The following RSF1 variants were observed in gnomAD, a reference collection of about 807,000 sequenced individuals.
RSF1 encodes the protein HBV pX-associated protein 8.
RSF1 carries 13 observed loss-of-function variants against 145.2 expected under a neutral mutation model. That is an observed-to-expected ratio of 0.09 (90% CI 0.06 to 0.14). The LOEUF (loss-of-function observed/expected upper bound fraction) is 0.14. Among genes scored for constraint, RSF1 ranks in the 10% least tolerant of loss-of-function variants. RSF1 has a pLI of 1.00. For missense variants in RSF1, 1,517 were observed against 1,718.2 expected, an observed-to-expected ratio of 0.88 and a Z score of 2.07; for synonymous variants, 577 against 592.6, an observed-to-expected ratio of 0.97 and a Z score of 0.38.
chr11:77,772,016 C>T (rs1162532803), intron 1 of RSF1, among the ~76,000 whole-genome samples: 10 of 152,158 alleles, frequency 6.6e-5, no homozygotes, highest in African/African-American at 1.9e-4. Flanking sequence ...GAAGTGACTG[C>T]TTTATGTGTC....
upstream of RSF1, among the ~76,000 whole-genome samples, chr11:77,823,690 A>G (rs1175340542): frequency 6.6e-6 from 1 of 152,042 alleles, no homozygotes; most frequent in Non-Finnish European, 1.5e-5. Context: ...TTGTGGAAAC[A>G]TACAAAGACT....
chr11:77,864,737 G>T, the RSF1 span, among the ~76,000 whole-genome samples: 3 of 152,162 alleles, frequency 2.0e-5, no homozygotes, highest in Non-Finnish European at 4.4e-5. Context: ...TCAACACGTT[G>T]GGAGACCAAG....
intron 2 of RSF1, chr11:77,764,015 C>T (rs1948201597): frequency 6.6e-6 from 1 of 152,198 alleles, no homozygotes; most frequent in Non-Finnish European, 1.5e-5. Flanking sequence ...AGTGACGGAT[C>T]ATCAGTCAGT....
chr11:77,831,076 TC>T, the RSF1 span, among the ~76,000 whole-genome samples: 1 of 151,426 alleles, frequency 6.6e-6, no homozygotes, highest in Admixed American at 6.6e-5. Flanking sequence ...GGAGAATTCG[TC>T]GAGGCTTCAG....
chr11:77,815,428 C>A (rs12417115), intron 1 of RSF1, among the ~76,000 whole-genome samples: 35,648 of 151,938 alleles, frequency 0.23, 4,417 homozygotes, highest in East Asian at 0.4. Flanking sequence ...AAGACTATAC[C>A]CATCAGGTAG....
intron 6 of RSF1, among the ~76,000 whole-genome samples, chr11:77,699,046 G>A (rs898639459): frequency 1.3e-4 from 20 of 151,690 alleles, no homozygotes; most frequent in Admixed American, 8.5e-4. Context: ...TTTCACTTTC[G>A]TCAACAATGT....
chr11:77,709,977 A>C (rs893903673), intron 5 of RSF1, among the ~76,000 whole-genome samples: 21 of 152,232 alleles, frequency 1.4e-4, no homozygotes, highest in African/African-American at 5.1e-4. Context: ...CAAAGGTATC[A>C]AGAATTTTTT....
At position 77,662,624 on chromosome 11, in the gene RSF1, A is replaced by G. The variant is rs1341593558; in HGVS notation, c.*4293T>C. On this transcript the variant is annotated 3_prime_UTR_variant, in exon 16 of 16. Coordinates refer to ENST00000308488, the MANE Select transcript of RSF1 (RefSeq NM_016578.4). ...AACTCAGTTTAAATACATTGATAGC[A>G]AAAGGCTTTGACCTTAAGGATTGGT... is the stretch of plus-strand genomic sequence containing the variant. 1.3e-5 allele frequency: 2 copies of G among 152,196 alleles called. No homozygotes were observed. Among genetic ancestry groups the G allele is most frequent in the African/African-American group, 4.8e-5 (2 of 41,470 alleles). 9.4% of individuals were successfully genotyped at this position (152,196 alleles called of 1,614,324 possible). A position where few individuals can be genotyped will look rare whatever the true frequency, so the allele number is the denominator to read the frequency against.
chr11:77,779,285 G>GCAGC (rs1244773509), intron 1 of RSF1, among the ~76,000 whole-genome samples: 1 of 152,088 alleles, frequency 6.6e-6, no homozygotes, highest in East Asian at 1.9e-4. Context: ...ATAGCTCACT[G>GCAGC]CAGCCTTCAA....
chr11:77,805,874 C>T (rs1387707396), intron 1 of RSF1, among the ~76,000 whole-genome samples: 1 of 152,174 alleles, frequency 6.6e-6, no homozygotes, highest in Non-Finnish European at 1.5e-5. Flanking sequence ...TTTCCCTCCT[C>T]AGTAAATGGA....
chr11:77,693,866 C>A (rs557831486), intron 7 of RSF1, among the ~76,000 whole-genome samples: 2 of 152,070 alleles, frequency 1.3e-5, no homozygotes, highest in African/African-American at 2.4e-5. Flanking sequence ...TTCACTGCAA[C>A]CTCCGTCTCC....
At position 77,725,610 on chromosome 11, in the gene RSF1, G is replaced by T. The variant is rs747377572; in HGVS notation, c.668C>A (p.Ser223Tyr). 1.9e-6 allele frequency: 3 copies of T among 1,611,214 alleles called. No individual in the cohort carries two copies. The South Asian group carries it at 3.3e-5, about 18-fold the overall frequency. ...LLKNSSQQDN[S>Y]SRESPSLEDE... ...CTCTAAGCTGGGACTTTCCCGAGAA[G>T]AGTTGTCTTGTTGGCTAGAGTTTTT... The change falls in exon 5 of 16, where the codon TCT (serine) becomes TAT (tyrosine). Residue 223 changes from serine to tyrosine, a missense_variant. Physicochemically the swap from Ser to Tyr is moderately radical, Grantham distance 144. Around this residue, in one of 12 missense-constraint regions of RSF1, gnomAD observed 207 missense variants for 191.4 expected, o/e 1.08. Coordinates refer to ENST00000308488, the MANE Select transcript of RSF1 (RefSeq NM_016578.4).
chr11:77,761,002 A>ACTGCAACCTCCGCCTCC (rs1398432917), intron 2 of RSF1, among the ~76,000 whole-genome samples: 2 of 151,366 alleles, frequency 1.3e-5, no homozygotes, highest in Admixed American at 6.6e-5. Context: ...ATCTCGGCTC[A>ACTGCAACCTCCGCCTCC]CTGCAACCTC....
chr11:77,839,750 A>G, the RSF1 span, among the ~76,000 whole-genome samples: 1 of 152,134 alleles, frequency 6.6e-6, no homozygotes, highest in Non-Finnish European at 1.5e-5. Flanking sequence ...GTTCTCACTT[A>G]TAAGTGGGTG....
At chr11:77,838,472 G>A in the RSF1 span, among the ~76,000 whole-genome samples, 3 of 152,040 alleles carry the variant, frequency 2.0e-5, no homozygotes, top group Non-Finnish European at 2.9e-5. Flanking sequence ...CTTGCCCAAG[G>A]GTGAGCAGCT....
intron 15 of RSF1, among the ~76,000 whole-genome samples, chr11:77,670,706 T>C (rs11237264): frequency 0.4 from 61,358 of 151,924 alleles, 13,035 homozygotes; most frequent in African/African-American, 0.53. Flanking sequence ...AGATGTTCAC[T>C]TCCCTTCTTT....
At chr11:77,764,075 C>G (rs982160813) in intron 2 of RSF1, 1 of 152,680 alleles carries the variant, frequency 6.5e-6, no homozygotes, top group Non-Finnish European at 1.5e-5. Flanking sequence ...GTGCAGTTCA[C>G]GATAGGGTTT....
intron 6 of RSF1, among the ~76,000 whole-genome samples, chr11:77,700,349 C>CCAA (rs751077183): frequency 3.4e-4 from 16 of 47,202 alleles, no homozygotes; most frequent in African/African-American, 1.2e-3. Flanking sequence ...GACTGTCTCA[C>CCAA]AAAAAAAAAA....
chr11:77,781,822 C>CA lies in RSF1; in HGVS notation c.188-17134dup, dbSNP rs1205059136. ...GCATTGTATATGTTTTTTAAGTTGTCAGTTTTTGCTTCATGTGTTTTAAAG... is the reference window on the plus strand; with the variant it reads ...GCATTGTATATGTTTTTTAAGTTGTCAAGTTTTTGCTTCATGTGTTTTAAAG... On this transcript the variant is annotated intron_variant, in intron 1 of 15. Transcript: ENST00000308488. Among the ~76,000 whole-genome samples the CA allele has an allele frequency of 2.6e-5, 4 of 152,156 alleles. No homozygotes were observed. In the East Asian group the frequency reaches 7.7e-4, roughly 29 times the overall value.
Sources: gnomAD v4.1 joint callset for allele counts (sites outside exome capture counted in the v4.1 genomes callset) on GRCh38, gnomAD v4.1.1 for gene constraint, gnomAD v4.1.1 regional missense constraint, MANE v1.5 for transcripts, NCBI Gene and HGNC (gene_info 2026-07-23, HGNC 2026-07-21) for gene names.